The following RNGTT variants were observed in gnomAD, a reference collection of about 807,000 sequenced individuals.
The protein encoded by RNGTT is RNA guanylyltransferase and 5'-phosphatase.
RNGTT carries 33 observed loss-of-function variants against 79.3 expected under a neutral mutation model. The ratio of observed to expected loss-of-function variants is 0.42; its 90% CI spans 0.32 to 0.56. The LOEUF (loss-of-function observed/expected upper bound fraction) is 0.56. Ranked by LOEUF, RNGTT falls within the 20% of genes least tolerant of loss-of-function variation. The pLI is 0.17. For synonymous variants in RNGTT, 222 were observed against 235.9 expected (o/e 0.94, Z 0.54); for missense variants, 497 against 739.1 (o/e 0.67, Z 3.80).
intron 13 of RNGTT, among the ~76,000 whole-genome samples, chr6:88,758,824 C>T (rs548709532): frequency 6.6e-6 from 1 of 152,230 alleles, no homozygotes; most frequent in East Asian, 1.9e-4. Flanking sequence ...AATTTCCCTC[C>T]CAGACTTAGC....
rs1772022022 is a variant in RNGTT at position 88,611,501 on chromosome 6, T to C, written c.*1218A>G. ...TTCTTTCACAAACCAATTAGAACAG[T>C]TTATCAACAATGGCAGACAATCAAT... is the stretch of plus-strand genomic sequence containing the variant. On this transcript the variant is annotated 3_prime_UTR_variant, in exon 16 of 16. Coordinates refer to ENST00000369485, the MANE Select transcript of RNGTT (RefSeq NM_003800.5). 6.6e-6 allele frequency: 1 copy of C among 152,560 alleles called. No homozygotes were observed. The highest frequency in any genetic ancestry group is 1.5e-5 in the Non-Finnish European group (1 of 68,038). The allele number at this position is 152,560 out of a possible 1,614,324, so 9.5% of individuals were successfully genotyped here. A position where few individuals can be genotyped will look rare whatever the true frequency, so the allele number is the denominator to read the frequency against.
chr6:88,666,607 C>A (rs541444736), intron 14 of RNGTT, among the ~76,000 whole-genome samples: 2 of 152,262 alleles, frequency 1.3e-5, no homozygotes, highest in South Asian at 2.1e-4. Flanking sequence ...ATCAGAGAGC[C>A]CAGTTGAACA....
At chr6:88,864,892 C>G (rs1037797678) in intron 8 of RNGTT, among the ~76,000 whole-genome samples, 8 of 152,004 alleles carry the variant, frequency 5.3e-5, no homozygotes, top group Non-Finnish European at 1.0e-4. Context: ...TAATCAAAAT[C>G]AGAGACAGAA....
At chr6:88,763,803 A>G (rs548812590) in intron 13 of RNGTT, among the ~76,000 whole-genome samples, 2 of 152,186 alleles carry the variant, frequency 1.3e-5, no homozygotes, top group Non-Finnish European at 2.9e-5. Context: ...GAGACAAGTT[A>G]CTCTACTTGC....
intron 11 of RNGTT, among the ~76,000 whole-genome samples, chr6:88,801,860 A>AC (rs1779799317): frequency 7.0e-6 from 1 of 142,474 alleles, no homozygotes; most frequent in South Asian, 2.2e-4. Context: ...CACACACACA[A>AC]ATTTCCATTC....
Position 88,612,615 on chromosome 6 carries a change from A to G in RNGTT, c.*104T>C, listed in dbSNP as rs1772067545. 1 of 1,253,638 alleles carries G rather than the reference A, an allele frequency of 8.0e-7. No homozygotes were observed. Among genetic ancestry groups the G allele is most frequent in the Non-Finnish European group, 1.1e-6 (1 of 894,470 alleles). The allele number at this position is 1,253,638 out of a possible 1,614,324, so 77.7% of individuals were successfully genotyped here. On this transcript the variant is annotated 3_prime_UTR_variant, in exon 16 of 16. Transcript: ENST00000369485. ...TTAAAAAAAATTCAAATGTGTATCA[A>G]CATCAAGCCACAGTCGTTTTTCAAT...
At chr6:88,835,971 TAA>T (rs1429623287) in intron 11 of RNGTT, among the ~76,000 whole-genome samples, 195 of 77,716 alleles carry the variant, frequency 2.5e-3, no homozygotes, top group East Asian at 6.4e-3. Flanking sequence ...CTGTCTCTAT[TAA>T]AAACACACAC....
At chr6:88,619,562 ATT>A (rs1312082316) in intron 14 of RNGTT, among the ~76,000 whole-genome samples, 7 of 152,238 alleles carry the variant, frequency 4.6e-5, no homozygotes, top group Non-Finnish European at 1.5e-5. Context: ...AGAATTAAAA[ATT>A]ATTATTAAGA....
chr6:88,728,547 G>T (rs945277183), intron 13 of RNGTT, among the ~76,000 whole-genome samples: 10 of 152,206 alleles, frequency 6.6e-5, no homozygotes. Context: ...TAGAGGGACA[G>T]CTATCCCCCA....
At chr6:88,843,954 A>G (rs780797575) in intron 11 of RNGTT, among the ~76,000 whole-genome samples, 3 of 150,106 alleles carry the variant, frequency 2.0e-5, no homozygotes, top group Non-Finnish European at 4.4e-5. Context: ...ATATCTGTAT[A>G]TATATATACA....
At chr6:88,903,462 G>A (rs923751130) in intron 6 of RNGTT, among the ~76,000 whole-genome samples, 2 of 152,124 alleles carry the variant, frequency 1.3e-5, no homozygotes, top group African/African-American at 4.8e-5. Flanking sequence ...ATTTTTCTAG[G>A]TATGTGACTC....
At chr6:88,950,246 C>T (rs1785198014) in intron 1 of RNGTT, among the ~76,000 whole-genome samples, 1 of 152,168 alleles carries the variant, frequency 6.6e-6, no homozygotes, top group South Asian at 2.1e-4. Flanking sequence ...CACCTAGGCA[C>T]CCAAGAACTC....
intron 2 of RNGTT, among the ~76,000 whole-genome samples, chr6:88,930,195 TAAAC>T (rs962847387): frequency 1.4e-5 from 2 of 147,976 alleles, no homozygotes; most frequent in Non-Finnish European, 3.0e-5. Context: ...CATATATACA[TAAAC>T]ATATATACAT....
chr6:88,720,335 T>C (rs1363575473), intron 13 of RNGTT, among the ~76,000 whole-genome samples: 7 of 152,060 alleles, frequency 4.6e-5, no homozygotes, highest in African/African-American at 7.2e-5. Flanking sequence ...AACTTTACAA[T>C]GATAACAAAT....
At chr6:88,774,183 A>G (rs1778793884) in intron 12 of RNGTT, among the ~76,000 whole-genome samples, 1 of 152,222 alleles carries the variant, frequency 6.6e-6, no homozygotes, top group South Asian at 2.1e-4. Flanking sequence ...TCTCCAAGGA[A>G]GATATACAAA....
intron 11 of RNGTT, among the ~76,000 whole-genome samples, chr6:88,824,504 T>A (rs994522687): frequency 5.9e-5 from 9 of 152,328 alleles, no homozygotes; most frequent in Non-Finnish European, 2.9e-5. Context: ...AATGGCCACA[T>A]GTGGCTACTA....
chr6:88,710,664 A>G (rs1776288106), intron 13 of RNGTT, among the ~76,000 whole-genome samples: 1 of 152,236 alleles, frequency 6.6e-6, no homozygotes, highest in South Asian at 2.1e-4. Flanking sequence ...CCATTGAATA[A>G]TAAGACCACA....
chr6:88,639,550 T>C (rs148785526), intron 14 of RNGTT, among the ~76,000 whole-genome samples: 14 of 152,318 alleles, frequency 9.2e-5, no homozygotes, highest in Non-Finnish European at 1.6e-4. Flanking sequence ...TAAAAAGGAA[T>C]GCTCCTGCCC....
chr6:88,756,778 C>CA (rs1236007568), intron 13 of RNGTT, among the ~76,000 whole-genome samples: 1 of 152,002 alleles, frequency 6.6e-6, no homozygotes, highest in Non-Finnish European at 1.5e-5. Flanking sequence ...CAGGAAAACT[C>CA]AAAAAACATG....
Sources: allele counts gnomAD v4.1 joint callset (sites outside exome capture counted in the v4.1 genomes callset), GRCh38; gene constraint gnomAD v4.1.1; transcripts MANE v1.5; gene names NCBI Gene and HGNC (gene_info 2026-07-23, HGNC 2026-07-21).